Variants in ATP6V1D observed in about 807,000 individuals in gnomAD.
ATP6V1D encodes the protein ATPase H+ transporting V1 subunit D.
A neutral mutation model predicts 39.4 loss-of-function variants in ATP6V1D; 20 were observed. The observed-to-expected ratio is 0.51, with a 90% CI of 0.36 to 0.74. The LOEUF is 0.74. Ranked by LOEUF, ATP6V1D falls within the 30% of genes least tolerant of loss-of-function variation. The probability of loss-of-function intolerance (pLI) is 0.00; values close to 1 mark genes in which losing one functional copy is unlikely to be tolerated. For synonymous variants in ATP6V1D, 100 were observed against 100.5 expected, an observed-to-expected ratio of 0.99 and a Z score of 0.03; for missense variants, 228 against 291.6, an observed-to-expected ratio of 0.78 and a Z score of 1.59.
intron 3 of ATP6V1D, among the ~76,000 whole-genome samples, chr14:67,349,913 G>A (rs1005606676): frequency 1.5e-4 from 23 of 152,098 alleles, no homozygotes; most frequent in African/African-American, 5.1e-4. Context: ...TAGATAATAG[G>A]CATCATGTCA....
At chr14:67,338,992 C>CTTTT (rs772977015) in intron 8 of ATP6V1D, among the ~76,000 whole-genome samples, 5 of 131,154 alleles carry the variant, frequency 3.8e-5, no homozygotes, top group African/African-American at 8.4e-5. Flanking sequence ...AGACAGAAGC[C>CTTTT]TTTTTTTTTT....
chr14:67,342,222 AT>A (rs59371670), intron 7 of ATP6V1D, among the ~76,000 whole-genome samples: 33,210 of 144,772 alleles, frequency 0.23, 5,574 homozygotes, highest in East Asian at 0.46. Context: ...ATAAAATAAA[AT>A]AAAAAAAAAC....
intron 7 of ATP6V1D, among the ~76,000 whole-genome samples, chr14:67,341,846 ATTC>A (rs1485107491): frequency 2.0e-5 from 3 of 152,202 alleles, no homozygotes; most frequent in Non-Finnish European, 2.9e-5. Flanking sequence ...ACTAAGAAAA[ATTC>A]TTCTGCTTTG....
At chr14:67,353,091 C>T (rs1566602541) in intron 1 of ATP6V1D, 51 bp from the exon 2 acceptor site, 1 of 1,371,574 alleles carries the variant, frequency 7.3e-7, no homozygotes, top group Non-Finnish European at 1.0e-6. Flanking sequence ...GTTTAAAAGA[C>T]AAAAAAAACC....
intron 1 of ATP6V1D, among the ~76,000 whole-genome samples, chr14:67,354,243 T>C (rs1381663109): frequency 3.9e-5 from 6 of 152,224 alleles, no homozygotes; most frequent in African/African-American, 1.4e-4. Context: ...TTATAATCAA[T>C]ATCTGGAATA....
chr14:67,342,006 CACCACTCCCTAA>C (rs2085588182), intron 7 of ATP6V1D, among the ~76,000 whole-genome samples: 1 of 151,484 alleles, frequency 6.6e-6, no homozygotes, highest in Non-Finnish European at 1.5e-5. Context: ...TAAGAGTCAT[CACCACTCCCTAA>C]TCTCAAGTAC....
intron 6 of ATP6V1D, among the ~76,000 whole-genome samples, chr14:67,345,323 G>A (rs751670167): frequency 6.6e-5 from 10 of 152,088 alleles, no homozygotes; most frequent in African/African-American, 1.4e-4. Flanking sequence ...TTGGGAGGCC[G>A]AGGCGGGTGG....
chr14:67,340,032 CAAA>C (rs34358102), intron 8 of ATP6V1D: 69 of 71,762 alleles, frequency 9.6e-4, no homozygotes, highest in Middle Eastern at 8.3e-3. Flanking sequence ...CTCTGTCTCA[CAAA>C]AAAAAAAAAA....
chr14:67,342,478 G>A (rs867803124), intron 7 of ATP6V1D, among the ~76,000 whole-genome samples: 35 of 150,290 alleles, frequency 2.3e-4, no homozygotes, highest in Middle Eastern at 3.6e-3. Flanking sequence ...TTGAGTTTAC[G>A]TCATTAGGCT....
rs564093655 is a variant in ATP6V1D at position 67,338,752 on chromosome 14, T to G, written c.613A>C (p.Ile205Leu). Reference sequence around the variant, plus strand: ...TTTAGAATCTTTTTCTTCTCTTGTATTTTCTTTAACCTGTAAAATACAGGT... The same window carrying G: ...TTTAGAATCTTTTTCTTCTCTTGTAGTTTCTTTAACCTGTAAAATACAGGT... Reference protein sequence around the residue: ...EREEFYRLKKIQEKKKILKEK... With the variant: ...EREEFYRLKKLQEKKKILKEK... Residue 205 changes from isoleucine to leucine, a missense_variant, in exon 9 of 9, where the codon ATA (isoleucine) becomes CTA (leucine). Physicochemically the swap from Ile to Leu is conservative, Grantham distance 5 (BLOSUM62 2). Around this residue, in one of 3 missense-constraint regions of ATP6V1D, gnomAD observed 114 missense variants for 128.3 expected, o/e 0.89. Transcript: ENST00000216442. The G allele has an allele frequency of 8.7e-6, 14 of 1,612,194 alleles. No individual in the cohort carries two copies. In the African/African-American group the frequency reaches 1.7e-4, roughly 20 times the overall value.
At chr14:67,353,075 C>A in intron 1 of ATP6V1D, 35 bp from the exon 2 acceptor site, 1 of 1,515,336 alleles carries the variant, frequency 6.6e-7, no homozygotes. Flanking sequence ...GACATCTATT[C>A]TCATTGTTTA....
intron 5 of ATP6V1D, among the ~76,000 whole-genome samples, 175 bp downstream of exon 5, chr14:67,347,234 C>T (rs531503917): frequency 1.3e-5 from 2 of 152,138 alleles, no homozygotes; most frequent in Admixed American, 6.5e-5. Flanking sequence ...CCATTGTGCC[C>T]GGCCTTAAGA....
chr14:67,343,925 T>C (rs1736973850), intron 6 of ATP6V1D, among the ~76,000 whole-genome samples: 1 of 152,240 alleles, frequency 6.6e-6, no homozygotes, highest in Admixed American at 6.5e-5. Context: ...ATGCTATTGA[T>C]AACCTACATG....
At chr14:67,352,354 A>T (rs1443688934) in intron 2 of ATP6V1D, among the ~76,000 whole-genome samples, 1 of 151,540 alleles carries the variant, frequency 6.6e-6, no homozygotes, top group Admixed American at 6.6e-5. Context: ...ACCTGTAGTC[A>T]CAGCTACTCG....
At chr14:67,347,881 A>G (rs903856953) in intron 4 of ATP6V1D, among the ~76,000 whole-genome samples, 2 of 150,952 alleles carry the variant, frequency 1.3e-5, no homozygotes, top group African/African-American at 4.9e-5. Flanking sequence ...TGGAATTGTA[A>G]TTGGTTTCAA....
chr14:67,345,412 C>T lies in ATP6V1D; in HGVS notation c.456+356G>A, dbSNP rs1038581511. Among the ~76,000 whole-genome samples the T allele has an allele frequency of 2.0e-5, 3 of 151,826 alleles. No homozygotes were observed. The South Asian group carries it at 6.2e-4, about 32-fold the overall frequency. On this transcript the variant is annotated intron_variant, in intron 6 of 8. Coordinates refer to ENST00000216442, the MANE Select transcript of ATP6V1D (RefSeq NM_015994.4). ...TCTCTACAAAAAATACAAAAGTTAG[C>T]CAGGCATGGTGGCACATGTCTGTAA...
At chr14:67,341,349 T>C in intron 7 of ATP6V1D, among the ~76,000 whole-genome samples, 1 of 147,090 alleles carries the variant, frequency 6.8e-6, no homozygotes, top group East Asian at 2.1e-4. Context: ...GAGGAGACCC[T>C]CCACCCGGCA....
chr14:67,344,906 A>G (rs1210872593), intron 6 of ATP6V1D, among the ~76,000 whole-genome samples: 2 of 151,316 alleles, frequency 1.3e-5, no homozygotes, highest in Non-Finnish European at 2.9e-5. Flanking sequence ...CAAACAAACA[A>G]AAAAAACAAG....
chr14:67,350,513 T>C, intron 3 of ATP6V1D, 98 bp downstream of exon 3: 1 of 1,037,720 alleles, frequency 9.6e-7, no homozygotes. Context: ...TCATTTGTCC[T>C]TAACGCTTAT....
Sources: allele counts gnomAD v4.1 joint callset (sites outside exome capture counted in the v4.1 genomes callset), GRCh38; gene constraint gnomAD v4.1.1; regional missense constraint gnomAD v4.1.1; transcripts MANE v1.5; gene names NCBI Gene and HGNC (gene_info 2026-07-23, HGNC 2026-07-21).